HMCN2: variants seen among roughly 807,000 people sequenced by gnomAD.
HMCN2 encodes the protein hemicentin 2.
Under a neutral mutation model 377.5 loss-of-function variants are expected in HMCN2, and 325 were observed. The ratio of observed to expected loss-of-function variants is 0.86; its 90% confidence interval spans 0.79 to 0.94. HMCN2 has a LOEUF of 0.94. Ranked by LOEUF, HMCN2 falls within the 40% of genes least tolerant of loss-of-function variation. The pLI, the probability that HMCN2 is intolerant of heterozygous loss-of-function variation, is 0.00. For missense variants in HMCN2, 4,543 were observed against 4,725.3 expected (o/e 0.96, Z 1.13); for synonymous variants, 2,007 against 2,046.8 (o/e 0.98, Z 0.53).
In HMCN2 at chr9:130,433,364, T is replaced by C. The variant is rs1276345631; in HGVS notation, c.14911T>C (p.Cys4971Arg). 6.8e-7 allele frequency: 1 copy of C among 1,464,700 alleles called. No homozygotes were observed. 90.7% of individuals were successfully genotyped at this position (1,464,700 alleles called of 1,614,324 possible). ...GPSPGTCFRRCSQDCGTGGPS... is the reference protein window; with the variant it reads ...GPSPGTCFRRRSQDCGTGGPS... ...CGCCCGCAGGACGTGCTTCCGGCGC[T>C]GCTCGCAGGACTGCGGCACGGGCGG... Residue 4971 changes from cysteine to arginine, a missense_variant, in exon 98 of 98, where the codon TGC (cysteine) becomes CGC (arginine). Physicochemically the swap from Cys to Arg is radical, Grantham distance 180. This residue lies in a region of HMCN2 where 1,155 missense variants were observed against 1,157.7 expected (regional missense o/e 1.00). Coordinates refer to ENST00000683500, the MANE Select transcript of HMCN2 (RefSeq NM_001291815.2).
intron 1 of HMCN2, among the ~76,000 whole-genome samples, chr9:130,280,349 T>G (rs2131261167): frequency 6.6e-6 from 1 of 151,322 alleles, no homozygotes; most frequent in East Asian, 1.9e-4. Context: ...TTTTTTGTAT[T>G]TTTTAGTAGA....
Position 130,348,580 on chromosome 9 carries a change from A to G in HMCN2, c.4060A>G (p.Asn1354Asp), listed in dbSNP as rs958412032. The change falls in exon 27 of 98, where the codon AAC (asparagine) becomes GAC (aspartate). Residue 1354 changes from asparagine to aspartate, a missense_variant. By Grantham distance (23) the Asn-to-Asp change is conservative (BLOSUM62 1). Around this residue, in one of 5 missense-constraint regions of HMCN2, gnomAD observed 547 missense variants for 189.9 expected, o/e 2.88. Transcript: ENST00000683500. ...PSIREDGRKA[N>D]VSGMAGQSLT... ...CATCCGGGAGGACGGGCGCAAGGCC[A>G]ACGTGTCGGGTATGGCCGGGCAGTC... 40 of 1,304,292 alleles carry G rather than the reference A, an allele frequency of 3.1e-5. No individual in the cohort carries two copies. In the African/African-American group the frequency reaches 5.0e-4, roughly 16 times the overall value. 80.8% of individuals were successfully genotyped at this position (1,304,292 alleles called of 1,614,324 possible).
Position 130,433,464 on chromosome 9 carries a change from C to A in HMCN2, c.15011C>A (p.Thr5004Asn). 6.7e-7 allele frequency: 1 copy of A among 1,500,264 alleles called. No homozygotes were observed. Among genetic ancestry groups the A allele is most frequent in the Non-Finnish European group, 8.8e-7 (1 of 1,132,618 alleles). 92.9% of individuals were successfully genotyped at this position (1,500,264 alleles called of 1,614,324 possible). A position where few individuals can be genotyped will look rare whatever the true frequency, so the allele number is the denominator to read the frequency against. ...GCCCACCACGACGTGGCCCGCCTCACCGCCTTCTCCGAGGTCGGCGTCCCC... is the reference window on the plus strand; with the variant it reads ...GCCCACCACGACGTGGCCCGCCTCAACGCCTTCTCCGAGGTCGGCGTCCCC... ...VRAHHDVARLTAFSEVGVPAN... is the reference protein window; with the variant it reads ...VRAHHDVARLNAFSEVGVPAN... The change falls in exon 98 of 98, where the codon ACC becomes AAC. Residue 5004 changes from threonine to asparagine, a missense_variant. Thr to Asn is a moderately conservative substitution (Grantham distance 65). Coordinates refer to ENST00000683500, the MANE Select transcript of HMCN2 (RefSeq NM_001291815.2).
At chr9:130,424,042 G>A (rs1844172763) in intron 87 of HMCN2, among the ~76,000 whole-genome samples, 1 of 151,266 alleles carries the variant, frequency 6.6e-6, no homozygotes, top group South Asian at 2.1e-4. Flanking sequence ...TGCAAGTGGT[G>A]CAGTCACAGC....
At chr9:130,365,382 C>G (rs1194054584) in intron 41 of HMCN2, among the ~76,000 whole-genome samples, 1 of 152,184 alleles carries the variant, frequency 6.6e-6, no homozygotes, top group Non-Finnish European at 1.5e-5. Context: ...CTTAGCAGAT[C>G]TGGGCCATGA....
chr9:130,292,370 C>A (rs1835829522), intron 4 of HMCN2, among the ~76,000 whole-genome samples: 1 of 152,166 alleles, frequency 6.6e-6, no homozygotes, highest in Non-Finnish European at 1.5e-5. Context: ...AATGATATTT[C>A]ATTAGGGGTT....
rs1588424683 is a variant in HMCN2 at position 130,414,402 on chromosome 9, G to A, written c.12961+3750G>A. On this transcript the variant is annotated intron_variant, in intron 85 of 97. Coordinates refer to ENST00000683500, the MANE Select transcript of HMCN2 (RefSeq NM_001291815.2). This position sits in a 1 kb window ranked among gnomAD's most constrained non-coding sequence, Gnocchi z 4.4. ...GGGCTTCCACGCTGACCTGGCGGAA[G>A]TGAGTGGCACCACTTTTTCTTGGCA... Among the ~76,000 whole-genome samples the A allele has an allele frequency of 6.6e-6, 1 of 152,210 alleles. No homozygotes were observed. Among genetic ancestry groups the A allele is most frequent in the South Asian group, 2.1e-4 (1 of 4,830 alleles).
At chr9:130,297,424 GT>G (rs1554932557) in intron 7 of HMCN2, among the ~76,000 whole-genome samples, 1 of 152,220 alleles carries the variant, frequency 6.6e-6, no homozygotes, top group African/African-American at 2.4e-5. Flanking sequence ...ACCGAGGCAG[GT>G]TTCTGGTGCG....
intron 43 of HMCN2, among the ~76,000 whole-genome samples, chr9:130,366,786 G>A (rs893379692): frequency 6.6e-6 from 1 of 152,102 alleles, no homozygotes; most frequent in Non-Finnish European, 1.5e-5. Flanking sequence ...GACTGTACCA[G>A]GCCCTGTTCT....
At position 130,401,180 on chromosome 9, in the gene HMCN2, G is replaced by A. The variant is rs145267901; in HGVS notation, c.11770+233G>A. Among the ~76,000 whole-genome samples the A allele has an allele frequency of 1.2e-4, 19 of 152,288 alleles. No homozygotes were observed. The East Asian group carries it at 3.5e-3, about 28-fold the overall frequency. ...CCCCAAGGCCCTCTGGCATACAAGT[G>A]CTATTTCATGGCAAAATAAGAAAAA... On this transcript the variant is annotated intron_variant, in intron 77 of 97. Transcript: ENST00000683500.
intron 29 of HMCN2, among the ~76,000 whole-genome samples, chr9:130,349,951 G>GCAGTGTT (rs1261993950): frequency 7.3e-6 from 1 of 136,284 alleles, no homozygotes; most frequent in African/African-American, 2.8e-5. Context: ...AGGTTAGAGT[G>GCAGTGTT]CAGTGGAACG....
In HMCN2 at chr9:130,423,354, T is replaced by A. The variant is rs116483517; in HGVS notation, c.13381+628T>A. On this transcript the variant is annotated intron_variant, in intron 87 of 97. Transcript: ENST00000683500. This position sits in a 1 kb window ranked among gnomAD's most constrained non-coding sequence, Gnocchi z 5.5. The stretch of plus-strand genomic sequence containing the variant: ...GGGGCAGTATTCATGGAGTCTTCAC[T>A]GAAAGTAGCTCCTCTGAAGCTGCCC... Among the ~76,000 whole-genome samples the A allele has an allele frequency of 4.5e-3, 692 of 152,252 alleles. 6 individuals are homozygous for A. Among genetic ancestry groups the A allele is most frequent in the African/African-American group, 0.015 (636 of 41,546 alleles).
intron 13 of HMCN2, 147 bp from the exon 14 acceptor site, chr9:130,307,306 G>C (rs1024769936): frequency 2.4e-5 from 10 of 419,432 alleles, no homozygotes; most frequent in Non-Finnish European, 4.5e-5. Context: ...GGACCGGGAG[G>C]GGGCATTGAA....
chr9:130,390,317 C>T (rs1459566014), intron 62 of HMCN2, among the ~76,000 whole-genome samples: 1 of 152,130 alleles, frequency 6.6e-6, no homozygotes, highest in Non-Finnish European at 1.5e-5. Flanking sequence ...GCACTGGGTC[C>T]CCTTGTTTCA....
intron 79 of HMCN2, 51 bp downstream of exon 79, chr9:130,403,379 T>C (rs977482271): frequency 1.6e-6 from 2 of 1,283,960 alleles, no homozygotes; most frequent in African/African-American, 1.5e-5. Flanking sequence ...AGCGTGGGTC[T>C]GGGCAGGGGG....
intron 71 of HMCN2, among the ~76,000 whole-genome samples, 169 bp from the exon 72 acceptor site, chr9:130,395,755 A>G (rs763194315): frequency 6.6e-6 from 1 of 152,124 alleles, no homozygotes; most frequent in Admixed American, 6.5e-5. Context: ...AGAGGAGTGC[A>G]TTTCCTTAGA....
intron 22 of HMCN2, among the ~76,000 whole-genome samples, chr9:130,336,441 C>T (rs1050707064): frequency 6.8e-4 from 104 of 152,312 alleles, no homozygotes; most frequent in African/African-American, 2.4e-3. Context: ...TTAGGCCATT[C>T]AGTTCTTTTG....
chr9:130,328,130 C>T (rs1838244176), intron 22 of HMCN2, among the ~76,000 whole-genome samples: 1 of 152,198 alleles, frequency 6.6e-6, no homozygotes. Flanking sequence ...GCAGCCTGCC[C>T]TGTAACGTGA....
At position 130,296,674 on chromosome 9, in the gene HMCN2, G is replaced by GT. The variant is rs782623849; in HGVS notation, c.893dup (p.Tyr299LeufsTer2). On this transcript the variant is annotated frameshift_variant and splice_region_variant, in exon 7 of 98. Transcript: ENST00000683500. LOFTEE classifies it high-confidence loss of function. ...GATGTGAGACCTGGGCCTGCGCTAG[G>GT]TCTATAGCAGTGGCCGCCATTCAGT... 3 of 470,942 alleles carry GT rather than the reference G, an allele frequency of 6.4e-6. No homozygotes were observed. The highest frequency in any genetic ancestry group is 4.6e-5 in the South Asian group (3 of 64,568). The allele number at this position is 470,942 out of a possible 1,614,324, so 29.2% of individuals were successfully genotyped here.
Sources: gnomAD v4.1 joint callset for allele counts (sites outside exome capture counted in the v4.1 genomes callset) on GRCh38, gnomAD v4.1.1 for gene constraint, gnomAD v4.1.1 regional missense constraint, Gnocchi (gnomAD v3.1) non-coding constraint, MANE v1.5 for transcripts, NCBI Gene and HGNC (gene_info 2026-07-23, HGNC 2026-07-21) for gene names.